The following DOCK3 variants were observed in gnomAD, a reference collection of about 807,000 sequenced individuals.
The protein encoded by DOCK3 is dedicator of cytokinesis protein 3.
Under a neutral mutation model 265.6 loss-of-function variants are expected in DOCK3, and 60 were observed. The observed-to-expected ratio is 0.23, with a 90% CI of 0.18 to 0.28. DOCK3 has a LOEUF of 0.28. Ranked by LOEUF, DOCK3 falls within the 10% of genes least tolerant of loss-of-function variation. The probability of loss-of-function intolerance (pLI) is 1.00; values close to 1 mark genes in which losing one functional copy is unlikely to be tolerated. For missense variants in DOCK3, 1,981 were observed against 2,594.3 expected (o/e 0.76, Z 5.14); for synonymous variants, 881 against 938.0 (o/e 0.94, Z 1.11).
chr3:51,379,431 T>C (rs1480219815), intron 51 of DOCK3: 1 of 985,324 alleles, frequency 1.0e-6, no homozygotes, highest in African/African-American at 1.7e-5. Flanking sequence ...CTTCATGCCA[T>C]CTGTTTCCAC....
rs564370409 is a variant in DOCK3, at chr3:51,294,624, G to A, written c.2922+14420G>A. ...ACCCGGGAGGCGGAGCTTGCAGTGA[G>A]CCAAGATCGCGCCACTGCACTCCAG... On this transcript the variant is annotated intron_variant, in intron 27 of 52. Coordinates refer to ENST00000266037, the MANE Select transcript of DOCK3 (RefSeq NM_004947.5). 2.0e-5 allele frequency among the ~76,000 whole-genome samples: 3 copies of A among 150,166 alleles called. No homozygotes were observed. The East Asian group carries it at 6.0e-4, about 30-fold the overall frequency.
chr3:50,752,501 C>A (rs2039886992), intron 1 of DOCK3, among the ~76,000 whole-genome samples: 1 of 97,466 alleles, frequency 1.0e-5, no homozygotes. Flanking sequence ...GAGCGAGAGT[C>A]CGTCTCAAAA....
intron 2 of DOCK3, among the ~76,000 whole-genome samples, chr3:50,782,768 C>T (rs2041988083): frequency 6.6e-6 from 1 of 151,920 alleles, no homozygotes; most frequent in Non-Finnish European, 1.5e-5. Context: ...AATGTGTAGC[C>T]TTTTATCCCT....
chr3:50,860,080 C>T (rs183422802), intron 3 of DOCK3, among the ~76,000 whole-genome samples: 7 of 152,268 alleles, frequency 4.6e-5, no homozygotes, highest in African/African-American at 1.7e-4. Context: ...TCAGAATTTG[C>T]TCAGTGCAGT....
intron 32 of DOCK3, among the ~76,000 whole-genome samples, chr3:51,329,790 A>G (rs1391212502): frequency 6.6e-6 from 1 of 152,232 alleles, no homozygotes; most frequent in Non-Finnish European, 1.5e-5. Context: ...ATTCTTTTGA[A>G]TTAATGTTTT....
intron 9 of DOCK3, among the ~76,000 whole-genome samples, chr3:51,092,627 A>G (rs1261383762): frequency 6.6e-6 from 1 of 151,926 alleles, no homozygotes; most frequent in Non-Finnish European, 1.5e-5. Context: ...CTCTGAAGAG[A>G]GCAGCGGACC....
chr3:50,784,714 G>C (rs943349826), intron 2 of DOCK3, among the ~76,000 whole-genome samples: 1 of 152,186 alleles, frequency 6.6e-6, no homozygotes, highest in African/African-American at 2.4e-5. Context: ...TTTCCTTGTA[G>C]AGGTCTTTCA....
At chr3:51,281,297 A>G (rs946220007) in intron 27 of DOCK3, among the ~76,000 whole-genome samples, 20 of 136,706 alleles carry the variant, frequency 1.5e-4, no homozygotes, top group African/African-American at 5.4e-4. Flanking sequence ...ATATATATAT[A>G]TATATATATC....
At chr3:51,132,913 G>A (rs376692315) in intron 9 of DOCK3, among the ~76,000 whole-genome samples, 10 of 151,978 alleles carry the variant, frequency 6.6e-5, no homozygotes, top group South Asian at 6.2e-4. Context: ...TCCCCTCCCC[G>A]ACCCAAGCTG....
At chr3:50,784,424 G>A (rs78417257) in intron 2 of DOCK3, among the ~76,000 whole-genome samples, 3 of 152,098 alleles carry the variant, frequency 2.0e-5, no homozygotes, top group Non-Finnish European at 4.4e-5. Flanking sequence ...CTTATAGTAT[G>A]GTTTGAGGTA....
At chr3:51,358,697 A>G (rs971631390) in intron 46 of DOCK3, among the ~76,000 whole-genome samples, 3 of 152,190 alleles carry the variant, frequency 2.0e-5, no homozygotes, top group Admixed American at 6.5e-5. Context: ...AAAGGAGTCA[A>G]GCAGGTCCTG....
chr3:50,804,305 G>A (rs925770935), intron 2 of DOCK3, among the ~76,000 whole-genome samples: 2 of 152,138 alleles, frequency 1.3e-5, no homozygotes, highest in African/African-American at 2.4e-5. Context: ...TGGGTGGCCA[G>A]GCAGAGACGC....
chr3:50,742,833 G>A (rs2039148644), intron 1 of DOCK3, among the ~76,000 whole-genome samples: 1 of 152,106 alleles, frequency 6.6e-6, no homozygotes, highest in Non-Finnish European at 1.5e-5. Flanking sequence ...TCAGATTCAG[G>A]AAATACAGAG....
intron 1 of DOCK3, among the ~76,000 whole-genome samples, chr3:50,774,610 T>A (rs1213223509): frequency 6.6e-6 from 1 of 151,692 alleles, no homozygotes; most frequent in Non-Finnish European, 1.5e-5. Context: ...TTCTTTTGGA[T>A]TTTTTTTACA....
At chr3:51,014,519 A>T (rs1320949362) in intron 5 of DOCK3, among the ~76,000 whole-genome samples, 1 of 149,848 alleles carries the variant, frequency 6.7e-6, no homozygotes, top group Non-Finnish European at 1.5e-5. Context: ...AATGCAGTCC[A>T]GGTTCTTCAA....
At chr3:50,889,482 G>A (rs1025520168) in intron 3 of DOCK3, among the ~76,000 whole-genome samples, 1 of 149,450 alleles carries the variant, frequency 6.7e-6, no homozygotes, top group Non-Finnish European at 1.5e-5. Flanking sequence ...TTTTAAATAC[G>A]CTACTTATTC....
At chr3:51,009,751 A>G (rs994350404) in intron 5 of DOCK3, among the ~76,000 whole-genome samples, 8 of 152,140 alleles carry the variant, frequency 5.3e-5, no homozygotes, top group Admixed American at 3.9e-4. Context: ...TTTTGTGGGC[A>G]TTTAGTGCTA....
rs768034761 is a variant in DOCK3, at chr3:51,260,334, C to T, written c.2355+8C>T. On this transcript the variant is annotated splice_region_variant and intron_variant, in intron 23 of 52. Coordinates refer to ENST00000266037, the MANE Select transcript of DOCK3 (RefSeq NM_004947.5). ...ACACTCCTTTTTACTCAGGTTCGCA[C>T]ACTGCAGGGAAGCTTTGATGCTGGG... is the stretch of plus-strand genomic sequence containing the variant. 6.2e-7 allele frequency: 1 copy of T among 1,611,922 alleles called. No individual in the cohort carries two copies. The highest frequency in any genetic ancestry group is 8.5e-7 in the Non-Finnish European group (1 of 1,178,940).
chr3:50,933,837 A>G (rs1324242932), intron 4 of DOCK3, 144 bp from the exon 5 acceptor site: 2 of 528,782 alleles, frequency 3.8e-6, no homozygotes, highest in East Asian at 5.8e-5. Context: ...ATCATTATAA[A>G]AAGGTCTTTG....
Sources: gnomAD v4.1 joint callset for allele counts (sites outside exome capture counted in the v4.1 genomes callset) on GRCh38, gnomAD v4.1.1 for gene constraint, MANE v1.5 for transcripts, NCBI Gene and HGNC (gene_info 2026-07-23, HGNC 2026-07-21) for gene names.